The following TAFA2 variants were observed in gnomAD, a reference collection of about 807,000 sequenced individuals.
TAFA2 encodes the protein TAFA chemokine like family member 2, also known as chemokine-like protein TAFA-2.
A neutral mutation model predicts 18.8 loss-of-function variants in TAFA2; 7 were observed. The observed-to-expected ratio is 0.37, with a 90% confidence interval of 0.21 to 0.70. TAFA2 has a LOEUF of 0.70. Among genes scored for constraint, TAFA2 ranks in the 30% least tolerant of loss-of-function variants. TAFA2 has a pLI of 0.53. For synonymous variants in TAFA2, 60 were observed against 54.2 expected (o/e 1.11, Z -0.47); for missense variants, 122 against 158.1 (o/e 0.77, Z 1.23).
At chr12:62,027,958 C>T (rs1348170616) in intron 1 of TAFA2, among the ~76,000 whole-genome samples, 1 of 152,110 alleles carries the variant, frequency 6.6e-6, no homozygotes, top group Non-Finnish European at 1.5e-5. Flanking sequence ...CCCTGTTATC[C>T]AACTAGCCTT....
In TAFA2 at chr12:61,753,757, GA is replaced by G. The variant is rs759536403; in HGVS notation, c.260-12del. 30 of 1,586,158 alleles carry G rather than the reference GA, an allele frequency of 1.9e-5. No homozygotes were observed. The highest frequency in any genetic ancestry group is 4.6e-5 in the South Asian group (4 of 86,700). Reference sequence around the variant, plus strand: ...GTTCCACTATTGAAGCTATAAGAGAGAAAAAAAATTGACTCAACATTTTTTT... The same window carrying G: ...GTTCCACTATTGAAGCTATAAGAGAGAAAAAAATTGACTCAACATTTTTTT... On this transcript the variant is annotated splice_polypyrimidine_tract_variant and intron_variant, in intron 3 of 4. Transcript: ENST00000416284.
chr12:62,059,137 A>ATGTGTGTGTGTG lies in TAFA2; in HGVS notation c.-2+132121_-2+132122insCACACACACACA, dbSNP rs779755647. 4.8e-3 allele frequency among the ~76,000 whole-genome samples: 208 copies of ATGTGTGTGTGTG among 43,522 alleles called. 1 individual carries two copies. Among genetic ancestry groups the ATGTGTGTGTGTG allele is most frequent in the Non-Finnish European group, 7.0e-3 (159 of 22,818 alleles). 28.6% of individuals were successfully genotyped at this position (43,522 alleles called of 152,430 possible). On this transcript the variant is annotated intron_variant, in intron 1 of 4. Coordinates refer to ENST00000416284, the MANE Select transcript of TAFA2 (RefSeq NM_178539.5). ...AATAATAATATATATATATGTGTGTATATGTGTGTGTGTGTGTGTGTGTGT... is the reference window on the plus strand; with the variant it reads ...AATAATAATATATATATATGTGTGTATGTGTGTGTGTGTATGTGTGTGTGTGTGTGTGTGTGT...
At chr12:61,876,471 TG>T (rs1366593393) in intron 1 of TAFA2, among the ~76,000 whole-genome samples, 1 of 152,196 alleles carries the variant, frequency 6.6e-6, no homozygotes, top group Non-Finnish European at 1.5e-5. Context: ...ATGGTCAATA[TG>T]CCAGCCAGCA....
At chr12:62,113,956 A>T (rs1869846049) in intron 1 of TAFA2, among the ~76,000 whole-genome samples, 1 of 152,114 alleles carries the variant, frequency 6.6e-6, no homozygotes, top group African/African-American at 2.4e-5. Flanking sequence ...ACTGAGCTAG[A>T]CCACTTGGCT....
intron 2 of TAFA2, among the ~76,000 whole-genome samples, chr12:61,859,821 C>T (rs951517311): frequency 9.9e-5 from 15 of 152,174 alleles, no homozygotes; most frequent in East Asian, 5.8e-4. Flanking sequence ...TTGTATTCAG[C>T]GACTCTGAGG....
chr12:61,881,517 C>CA (rs1875138664), intron 1 of TAFA2, among the ~76,000 whole-genome samples: 1 of 151,992 alleles, frequency 6.6e-6, no homozygotes, highest in Non-Finnish European at 1.5e-5. Context: ...CATCATTGGC[C>CA]AAAACATTGT....
chr12:61,876,614 G>A (rs1182088386), intron 1 of TAFA2, among the ~76,000 whole-genome samples: 6 of 151,912 alleles, frequency 3.9e-5, no homozygotes, highest in South Asian at 2.1e-4. Context: ...TTGCATATCC[G>A]AAGGCCTCTG....
intron 4 of TAFA2, chr12:61,720,650 T>C (rs1264617423): frequency 1.2e-5 from 3 of 258,112 alleles, no homozygotes; most frequent in Non-Finnish European, 2.3e-5. Context: ...CAAGAAAGAA[T>C]AGGTCACAGT....
At chr12:61,816,711 A>T (rs1294133225) in intron 2 of TAFA2, among the ~76,000 whole-genome samples, 1 of 151,190 alleles carries the variant, frequency 6.6e-6, no homozygotes, top group East Asian at 1.9e-4. Context: ...AATTGACAAG[A>T]TGTATTAGAG....
chr12:61,968,249 T>C lies in TAFA2; in HGVS notation c.-1-100823A>G, dbSNP rs530881183. On this transcript the variant is annotated intron_variant, in intron 1 of 4. Transcript: ENST00000416284. ...GGGCCTTTTGTCATGCTATTTTACCTACATAGCGTATCTTCCATACCGCTC... is the reference window on the plus strand; with the variant it reads ...GGGCCTTTTGTCATGCTATTTTACCCACATAGCGTATCTTCCATACCGCTC... Among the ~76,000 whole-genome samples, 345 of 151,840 alleles carry C rather than the reference T, an allele frequency of 2.3e-3. 2 individuals carry two copies. The highest frequency in any genetic ancestry group is 7.9e-3 in the African/African-American group (328 of 41,502).
At chr12:61,906,370 T>C (rs1411541229) in intron 1 of TAFA2, among the ~76,000 whole-genome samples, 1 of 152,182 alleles carries the variant, frequency 6.6e-6, no homozygotes, top group Non-Finnish European at 1.5e-5. Context: ...GATGGTTTTA[T>C]AAAGGGCAAT....
At chr12:62,202,705 T>C (rs149945365) in intron 1 of TAFA2, among the ~76,000 whole-genome samples, 2 of 152,256 alleles carry the variant, frequency 1.3e-5, no homozygotes, top group East Asian at 1.9e-4. Context: ...ATCCTGGTAC[T>C]TTGTCTCTTT....
At chr12:62,084,911 C>T (rs1001429817) in intron 1 of TAFA2, among the ~76,000 whole-genome samples, 3 of 152,036 alleles carry the variant, frequency 2.0e-5, no homozygotes, top group Admixed American at 6.6e-5. Context: ...CAGCCATGCA[C>T]GGAGGTAAAC....
intron 1 of TAFA2, among the ~76,000 whole-genome samples, chr12:62,070,029 G>C (rs185223341): frequency 1.6e-4 from 25 of 152,260 alleles, no homozygotes; most frequent in Middle Eastern, 3.4e-3. Flanking sequence ...ATTCCTCCCA[G>C]AGCTGCCTGA....
chr12:62,224,080 C>T (rs971739498), intron 1 of TAFA2, among the ~76,000 whole-genome samples: 3 of 119,876 alleles, frequency 2.5e-5, no homozygotes, highest in African/African-American at 4.1e-5. Context: ...TTTATATGTG[C>T]ATACACACAC....
intron 1 of TAFA2, among the ~76,000 whole-genome samples, chr12:61,883,950 A>C (rs1391267391): frequency 6.6e-6 from 1 of 152,222 alleles, no homozygotes; most frequent in Non-Finnish European, 1.5e-5. Context: ...AACATATGTG[A>C]AGTACTCTAT....
chr12:62,142,270 C>A (rs2062245714), intron 1 of TAFA2, among the ~76,000 whole-genome samples: 1 of 152,090 alleles, frequency 6.6e-6, no homozygotes, highest in Non-Finnish European at 1.5e-5. Context: ...CTGCCTGGCC[C>A]ACAGCAGGCC....
At chr12:61,913,615 A>G (rs1310377124) in intron 1 of TAFA2, among the ~76,000 whole-genome samples, 1 of 152,206 alleles carries the variant, frequency 6.6e-6, no homozygotes, top group Admixed American at 6.5e-5. Context: ...GTAGATAGGG[A>G]TCATGATTCC....
intron 1 of TAFA2, among the ~76,000 whole-genome samples, chr12:62,035,908 A>C (rs1881596144): frequency 6.6e-6 from 1 of 150,946 alleles, no homozygotes; most frequent in South Asian, 2.1e-4. Context: ...TGCCCGGCTA[A>C]TTTTTGTATT....
Sources: allele counts gnomAD v4.1 joint callset (sites outside exome capture counted in the v4.1 genomes callset), GRCh38; gene constraint gnomAD v4.1.1; transcripts MANE v1.5; gene names NCBI Gene and HGNC (gene_info 2026-07-23, HGNC 2026-07-21).